RAB27A: variants seen among roughly 807,000 people sequenced by gnomAD.
The protein encoded by RAB27A is ras-related protein Rab-27A.
RAB27A carries 17 observed loss-of-function variants against 20.8 expected under a neutral mutation model. The observed-to-expected ratio is 0.82, with a 90% CI of 0.56 to 1.23. RAB27A has a LOEUF of 1.23. Among genes scored for constraint, RAB27A ranks in the 50% most tolerant of loss-of-function variants. The pLI is 0.00. For synonymous variants in RAB27A, 85 were observed against 92.8 expected, an observed-to-expected ratio of 0.92 and a Z score of 0.48; for missense variants, 277 against 266.7, an observed-to-expected ratio of 1.04 and a Z score of -0.27.
chr15:55,258,826 T>C (rs78425151), intron 2 of RAB27A, among the ~76,000 whole-genome samples: 6,792 of 152,258 alleles, frequency 0.045, 176 homozygotes, highest in African/African-American at 0.061. Flanking sequence ...TATTTTTCTA[T>C]TGGGTTCTTT....
At chr15:55,286,426 A>C (rs1268611060) in intron 1 of RAB27A, among the ~76,000 whole-genome samples, 1 of 152,164 alleles carries the variant, frequency 6.6e-6, no homozygotes, top group Non-Finnish European at 1.5e-5. Context: ...CTCGAAAGAA[A>C]ACAAGGCAAG....
At chr15:55,271,665 A>T (rs1378861640) in intron 1 of RAB27A, among the ~76,000 whole-genome samples, 1 of 152,244 alleles carries the variant, frequency 6.6e-6, no homozygotes, top group African/African-American at 2.4e-5. Context: ...TCTTGAAGAC[A>T]GGGGTTGTAT....
At chr15:55,261,340 T>C (rs1173894682) in intron 2 of RAB27A, among the ~76,000 whole-genome samples, 1 of 151,772 alleles carries the variant, frequency 6.6e-6, no homozygotes, top group African/African-American at 2.4e-5. Flanking sequence ...GAGGTTTCAG[T>C]GAGCCATGAT....
intron 2 of RAB27A, among the ~76,000 whole-genome samples, chr15:55,308,534 C>A (rs1595757048): frequency 6.6e-6 from 1 of 152,182 alleles, no homozygotes; most frequent in East Asian, 1.9e-4. Context: ...CCTTTTTCTA[C>A]AAAGGAACTT....
Position 55,234,959 on chromosome 15 carries a change from G to A in RAB27A, c.-22-3C>T, listed in dbSNP as rs761034150. 1.3e-6 allele frequency: 2 copies of A among 1,598,398 alleles called. No homozygotes were observed. Among genetic ancestry groups the A allele is most frequent in the Non-Finnish European group, 1.7e-6 (2 of 1,171,290 alleles). On this transcript the variant is annotated splice_polypyrimidine_tract_variant and splice_region_variant and intron_variant, in intron 2 of 6. Transcript: ENST00000336787. ...TAATGAAGAACTCAGTAGTTCACCT[G>A]TAAAATACACACAAAATTTTTTAAT...
intron 1 of RAB27A, among the ~76,000 whole-genome samples, chr15:55,282,586 G>C (rs1898043473): frequency 6.6e-6 from 1 of 152,126 alleles, no homozygotes; most frequent in Admixed American, 6.5e-5. Flanking sequence ...GGGTATGGTG[G>C]TCAGCTGGAA....
At position 55,205,435 on chromosome 15, in the gene RAB27A, G is replaced by C. The variant is rs1894592964; in HGVS notation, c.*72C>G. Reference sequence around the variant, plus strand: ...ACACAATGCCCATTAATCTCTCACTGTGCCATGTATCAATCATAGAGAAGA... The same window carrying C: ...ACACAATGCCCATTAATCTCTCACTCTGCCATGTATCAATCATAGAGAAGA... On this transcript the variant is annotated 3_prime_UTR_variant, in exon 7 of 7. Coordinates refer to ENST00000336787, the MANE Select transcript of RAB27A (RefSeq NM_183235.3). 6.9e-7 allele frequency: 1 copy of C among 1,459,624 alleles called. No homozygotes were observed. The highest frequency in any genetic ancestry group is 9.6e-7 in the Non-Finnish European group (1 of 1,040,622). The allele number at this position is 1,459,624 out of a possible 1,614,324, so 90.4% of individuals were successfully genotyped here. A position where few individuals can be genotyped will look rare whatever the true frequency, so the allele number is the denominator to read the frequency against.
chr15:55,209,723 T>C (rs1164250583), intron 6 of RAB27A, among the ~76,000 whole-genome samples: 1 of 148,314 alleles, frequency 6.7e-6, no homozygotes, highest in African/African-American at 2.5e-5. Context: ...TCCACTAATA[T>C]ATATACACAT....
rs144084671 is a variant in RAB27A, at chr15:55,309,761, T to C, written c.-112+4278A>G. ...TGGGTGTAGATGGACAATGGCCTCA[T>C]TGATAATCCCGAAATCTTGCACTAA... On this transcript the variant is annotated intron_variant, in intron 2 of 5. Coordinates refer to the RAB27A transcript ENST00000563262. Among the ~76,000 whole-genome samples, 210 of 152,264 alleles carry C rather than the reference T, an allele frequency of 1.4e-3. 2 individuals are homozygous for C. Among genetic ancestry groups the C allele is most frequent in the African/African-American group, 3.8e-3 (158 of 41,540 alleles).
chr15:55,289,248 T>G (rs576725021), intron 1 of RAB27A: 1 of 152,570 alleles, frequency 6.6e-6, no homozygotes, highest in East Asian at 1.9e-4. Context: ...CAGGTAGTTT[T>G]CAGTCTAACT....
chr15:55,276,091 T>G (rs888551656), intron 1 of RAB27A, among the ~76,000 whole-genome samples: 5 of 152,216 alleles, frequency 3.3e-5, no homozygotes, highest in African/African-American at 1.2e-4. Flanking sequence ...ACCATAGGAT[T>G]TGGCAATCCT....
intron 1 of RAB27A, among the ~76,000 whole-genome samples, chr15:55,280,173 A>G (rs1332949336): frequency 6.6e-6 from 1 of 152,188 alleles, no homozygotes; most frequent in East Asian, 1.9e-4. Flanking sequence ...GAAACCAACA[A>G]TTTCCGAGGC....
chr15:55,227,199 T>C (rs912715031), intron 5 of RAB27A, among the ~76,000 whole-genome samples: 7 of 152,252 alleles, frequency 4.6e-5, no homozygotes, highest in Non-Finnish European at 1.0e-4. Flanking sequence ...TTTATCCAAC[T>C]AGTTAGCCAG....
intron 3 of RAB27A, 72 bp from the exon 4 acceptor site, chr15:55,230,558 C>G: frequency 8.0e-7 from 1 of 1,254,914 alleles, no homozygotes; most frequent in Admixed American, 1.7e-5. Flanking sequence ...CCTTTTTGTT[C>G]AGTACAAATC....
At chr15:55,245,921 C>A (rs1391084704) in intron 2 of RAB27A, among the ~76,000 whole-genome samples, 1 of 152,048 alleles carries the variant, frequency 6.6e-6, no homozygotes, top group Non-Finnish European at 1.5e-5. Flanking sequence ...ACCAACATGG[C>A]AAAACCCTTA....
At chr15:55,274,815 T>TATATATATATATATAC (rs1188210380) in intron 1 of RAB27A, among the ~76,000 whole-genome samples, 17 of 135,104 alleles carry the variant, frequency 1.3e-4, no homozygotes, top group African/African-American at 4.6e-4. Context: ...TATATATATA[T>TATATATATATATATAC]ATATATATAT....
At chr15:55,298,153 C>G (rs1360087280) in intron 2 of RAB27A, among the ~76,000 whole-genome samples, 1 of 143,546 alleles carries the variant, frequency 7.0e-6, no homozygotes, top group African/African-American at 2.6e-5. Flanking sequence ...TGCTGTCAGC[C>G]AAGATTGCAC....
At chr15:55,238,999 C>A (rs1490494251) in intron 2 of RAB27A, among the ~76,000 whole-genome samples, 1 of 152,116 alleles carries the variant, frequency 6.6e-6, no homozygotes, top group Non-Finnish European at 1.5e-5. Flanking sequence ...TATATCTAAC[C>A]AAAATTATTG....
exon 1 of RAB27A, chr15:55,318,949 T>C: frequency 5.9e-6 from 2 of 341,522 alleles, no homozygotes; most frequent in South Asian, 9.3e-5. Flanking sequence ...GTTCTGCGCC[T>C]GCTCCACGTC....
Sources: allele counts gnomAD v4.1 joint callset (sites outside exome capture counted in the v4.1 genomes callset), GRCh38; gene constraint gnomAD v4.1.1; transcripts MANE v1.5; gene names NCBI Gene and HGNC (gene_info 2026-07-23, HGNC 2026-07-21).